Variants in B3GALT6 observed in about 807,000 individuals in gnomAD.
B3GALT6 encodes the protein GAG GalTII.
B3GALT6 carries 27 observed loss-of-function variants against 23.3 expected under a neutral mutation model. That is an observed-to-expected ratio of 1.16 (90% confidence interval 0.85 to 1.60). B3GALT6 has a LOEUF of 1.60. Among genes scored for constraint, B3GALT6 ranks in the 40% most tolerant of loss-of-function variants. The probability of loss-of-function intolerance (pLI) is 0.00; values close to 1 mark genes in which losing one functional copy is unlikely to be tolerated. For missense variants in B3GALT6, 554 were observed against 471.1 expected, an observed-to-expected ratio of 1.18 and a Z score of -1.63; for synonymous variants, 313 against 232.3, an observed-to-expected ratio of 1.35 and a Z score of -3.16.
chr1:1,234,150 G>A lies in B3GALT6; in HGVS notation c.*882G>A, dbSNP rs1463490877. Reference sequence around the variant, plus strand: ...ACTGCGGTCCTTGCCAAAGTAAAATGAAGCTGCCCCAGGACAAGGGGTTAC... The same window carrying A: ...ACTGCGGTCCTTGCCAAAGTAAAATAAAGCTGCCCCAGGACAAGGGGTTAC... On this transcript the variant is annotated 3_prime_UTR_variant, in exon 1 of 1. Coordinates refer to ENST00000379198, the MANE Select transcript of B3GALT6 (RefSeq NM_080605.4). 1.2e-5 allele frequency: 2 copies of A among 166,876 alleles called. No homozygotes were observed. The allele number at this position is 166,876 out of a possible 1,614,324, so 10.3% of individuals were successfully genotyped here.
Position 1,232,479 on chromosome 1 carries a change from C to T in B3GALT6, c.201C>T (p.Pro67=). 2.0e-6 allele frequency: 2 copies of T among 1,024,280 alleles called. No individual in the cohort carries two copies. The highest frequency in any genetic ancestry group is 4.4e-5 in the South Asian group (1 of 22,506). The allele number at this position is 1,024,280 out of a possible 1,614,324, so 63.4% of individuals were successfully genotyped here. A position where few individuals can be genotyped will look rare whatever the true frequency, so the allele number is the denominator to read the frequency against. The part of the protein sequence containing the change: ...AFLAVLVASA[P]RAAERRSVIR... ...TGGCAGTGCTGGTGGCCAGCGCGCC[C>T]CGCGCCGCCGAGCGCCGCAGCGTGA... The change falls in exon 1 of 1, where the codon CCC becomes CCT. Residue 67 remains proline, a synonymous_variant. Transcript: ENST00000379198.
At position 1,232,653 on chromosome 1, in the gene B3GALT6, GCGCGA is replaced by G; in HGVS notation, c.379_383del (p.Asp127LeufsTer314). ...GGGACCTGCTGCTGCTGCCCGCGCT[GCGCGA>G]CGCCTACGAAAACCTCACGGCCAAG... On this transcript the variant is annotated frameshift_variant, in exon 1 of 1. Transcript: ENST00000379198. LOFTEE classifies it high-confidence loss of function. 1 of 1,314,874 alleles carries G rather than the reference GCGCGA, an allele frequency of 7.6e-7. No individual in the cohort carries two copies. The allele number at this position is 1,314,874 out of a possible 1,614,324, so 81.5% of individuals were successfully genotyped here. A position where few individuals can be genotyped will look rare whatever the true frequency, so the allele number is the denominator to read the frequency against.
Position 1,233,225 on chromosome 1 carries a change from C to T in B3GALT6, c.947C>T (p.Ala316Val). The T allele has an allele frequency of 1.3e-6, 2 of 1,509,142 alleles. No homozygotes were observed. The highest frequency in any genetic ancestry group is 2.5e-5 in the South Asian group (2 of 81,230). 93.5% of individuals were successfully genotyped at this position (1,509,142 alleles called of 1,614,324 possible). The change falls in exon 1 of 1, where the codon GCG becomes GTG. Residue 316 changes from alanine to valine, a missense_variant. Coordinates refer to ENST00000379198, the MANE Select transcript of B3GALT6 (RefSeq NM_080605.4). ...LRLSYVYDWS[A>V]PPSQCCQRRE... ...CTGTCCTACGTGTACGACTGGTCCG[C>T]GCCGCCCTCGCAGTGCTGCCAGAGA...
In B3GALT6 at chr1:1,235,034, A is replaced by G. The variant is rs528644657; in HGVS notation, c.*1766A>G. On this transcript the variant is annotated 3_prime_UTR_variant, in exon 1 of 1. Transcript: ENST00000379198. ...AGCCTAAGACATTAAATTTCATATC[A>G]GAACAAAGCCTGCCCCAGGCTGACC... The G allele has an allele frequency of 1.2e-5, 2 of 166,728 alleles. No individual in the cohort carries two copies. Among genetic ancestry groups the G allele is most frequent in the African/African-American group, 4.8e-5 (2 of 41,584 alleles). The allele number at this position is 166,728 out of a possible 1,614,324, so 10.3% of individuals were successfully genotyped here. A position where few individuals can be genotyped will look rare whatever the true frequency, so the allele number is the denominator to read the frequency against.
rs1557526065 is a variant in B3GALT6, at chr1:1,232,563, C to G, written c.285C>G (p.Ala95=). The part of the protein sequence containing the change: ...GAPGDVWARF[A]VGTAGLGAEE... The stretch of plus-strand genomic sequence containing the variant: ...CGGGCGACGTGTGGGCGCGCTTTGC[C>G]GTGGGCACGGCCGGCCTGGGCGCCG... Residue 95 remains alanine (A), a synonymous_variant, in exon 1 of 1, where the codon GCC becomes GCG. Transcript: ENST00000379198. 14 of 1,179,732 alleles carry G rather than the reference C, an allele frequency of 1.2e-5. No homozygotes were observed. Among genetic ancestry groups the G allele is most frequent in the Non-Finnish European group, 1.5e-5 (14 of 954,946 alleles). The allele number at this position is 1,179,732 out of a possible 1,614,324, so 73.1% of individuals were successfully genotyped here.
Position 1,232,463 on chromosome 1 carries a change from T to C in B3GALT6, c.185T>C (p.Leu62Pro). The C allele has an allele frequency of 2.0e-6, 2 of 1,005,910 alleles. No homozygotes were observed. Among genetic ancestry groups the C allele is most frequent in the Non-Finnish European group, 2.4e-6 (2 of 846,108 alleles). 62.3% of individuals were successfully genotyped at this position (1,005,910 alleles called of 1,614,324 possible). Residue 62 changes from leucine to proline, a missense_variant, in exon 1 of 1, where the codon CTG becomes CCG. By Grantham distance (98) the Leu-to-Pro change is moderately conservative (BLOSUM62 -3). Transcript: ENST00000379198. The stretch of plus-strand genomic sequence containing the variant: ...CGCGCCGCCGCCTTCCTGGCAGTGC[T>C]GGTGGCCAGCGCGCCCCGCGCCGCC... ...PARAAAFLAV[L>P]VASAPRAAER...
rs900539403 is a variant in B3GALT6 at position 1,232,313 on chromosome 1, C to T, written c.35C>T (p.Ala12Val). 4 of 982,858 alleles carry T rather than the reference C, an allele frequency of 4.1e-6. No homozygotes were observed. The highest frequency in any genetic ancestry group is 1.8e-5 in the African/African-American group (1 of 56,644). The allele number at this position is 982,858 out of a possible 1,614,324, so 60.9% of individuals were successfully genotyped here. ...KLLRRAWRRRAALGLGTLALC... is the reference protein window; with the variant it reads ...KLLRRAWRRRVALGLGTLALC... The stretch of plus-strand genomic sequence containing the variant: ...CTGCGGCGGGCGTGGCGGCGGCGGG[C>T]GGCGCTAGGCCTGGGCACGCTGGCG... Residue 12 changes from alanine to valine, a missense_variant, in exon 1 of 1, where the codon GCG becomes GTG. Coordinates refer to ENST00000379198, the MANE Select transcript of B3GALT6 (RefSeq NM_080605.4).
chr1:1,232,426 C>T lies in B3GALT6; in HGVS notation c.148C>T (p.Pro50Ser). The T allele has an allele frequency of 1.0e-6, 1 of 992,128 alleles. No homozygotes were observed. Among genetic ancestry groups the T allele is most frequent in the Non-Finnish European group, 1.2e-6 (1 of 836,110 alleles). The allele number at this position is 992,128 out of a possible 1,614,324, so 61.5% of individuals were successfully genotyped here. ...GATGTCGGGCCGCAGCCCGCCTCCC[C>T]CCGCGCCCGCGCGCGCCGCCGCCTT... is the stretch of plus-strand genomic sequence containing the variant. ...RAMSGRSPPP[P>S]APARAAAFLA... Residue 50 changes from proline (P) to serine (S), a missense_variant, in exon 1 of 1, where the codon CCC becomes TCC. Transcript: ENST00000379198.
At position 1,234,209 on chromosome 1, in the gene B3GALT6, C is replaced by G. The variant is rs1017925831; in HGVS notation, c.*941C>G. ...CCCTGGAGTCCGACGCGGGTTTTCT[C>G]TCTGGGGGACCTGGGTGGTCCCCGC... is the stretch of plus-strand genomic sequence containing the variant. On this transcript the variant is annotated 3_prime_UTR_variant, in exon 1 of 1. Transcript: ENST00000379198. 26 of 166,888 alleles carry G rather than the reference C, an allele frequency of 1.6e-4. No individual in the cohort carries two copies. Among genetic ancestry groups the G allele is most frequent in the African/African-American group, 6.0e-4 (25 of 41,454 alleles). 10.3% of individuals were successfully genotyped at this position (166,888 alleles called of 1,614,324 possible).
rs1375562480 is a variant in B3GALT6, at chr1:1,232,959, C to T, written c.681C>T (p.Tyr227=). The T allele has an allele frequency of 3.8e-6, 6 of 1,564,952 alleles. No homozygotes were observed. The highest frequency in any genetic ancestry group is 5.2e-6 in the Non-Finnish European group (6 of 1,163,512). ...TGCTCTCGGCCGACCTGGTGCACTA[C>T]CTGCGCCTCAGCCGCGACTACCTGC... The part of the protein sequence containing the change: ...GYVLSADLVH[Y]LRLSRDYLRA... The change falls in exon 1 of 1, where the codon TAC becomes TAT. Residue 227 remains tyrosine (Y), a synonymous_variant. Coordinates refer to ENST00000379198, the MANE Select transcript of B3GALT6 (RefSeq NM_080605.4).
At position 1,232,915 on chromosome 1, in the gene B3GALT6, G is replaced by C; in HGVS notation, c.637G>C (p.Ala213Pro). ...WQLCDYYLPYALGGGYVLSAD... is the reference protein window; with the variant it reads ...WQLCDYYLPYPLGGGYVLSAD... The stretch of plus-strand genomic sequence containing the variant: ...ACTCTGCGACTACTACCTGCCCTAC[G>C]CGCTGGGCGGCGGCTACGTGCTCTC... Residue 213 changes from alanine (A) to proline (P), a missense_variant, in exon 1 of 1, where the codon GCG becomes CCG. Ala to Pro is a conservative substitution (Grantham distance 27). Transcript: ENST00000379198. 1 of 1,566,224 alleles carries C rather than the reference G, an allele frequency of 6.4e-7. No homozygotes were observed. The highest frequency in any genetic ancestry group is 8.6e-7 in the Non-Finnish European group (1 of 1,165,524).
In B3GALT6 at chr1:1,232,454, T is replaced by C; in HGVS notation, c.176T>C (p.Leu59Pro). The change falls in exon 1 of 1, where the codon CTG becomes CCG. Residue 59 changes from leucine to proline, a missense_variant. Physicochemically the swap from Leu to Pro is moderately conservative, Grantham distance 98. Coordinates refer to ENST00000379198, the MANE Select transcript of B3GALT6 (RefSeq NM_080605.4). ...GCGCCCGCGCGCGCCGCCGCCTTCC[T>C]GGCAGTGCTGGTGGCCAGCGCGCCC... ...PPAPARAAAF[L>P]AVLVASAPRA... The C allele has an allele frequency of 1.0e-6, 1 of 1,001,296 alleles. No individual in the cohort carries two copies. The highest frequency in any genetic ancestry group is 1.2e-6 in the Non-Finnish European group (1 of 843,104). 62.0% of individuals were successfully genotyped at this position (1,001,296 alleles called of 1,614,324 possible).
Position 1,234,106 on chromosome 1 carries a change from T to G in B3GALT6, c.*838T>G, listed in dbSNP as rs1305325261. On this transcript the variant is annotated 3_prime_UTR_variant, in exon 1 of 1. Coordinates refer to ENST00000379198, the MANE Select transcript of B3GALT6 (RefSeq NM_080605.4). ...TTAACACATCCTTGAAAGCCCCTCG[T>G]TTAATGAGAAAAGCGAACACTGCGG... The G allele has an allele frequency of 6.0e-6, 1 of 166,842 alleles. No individual in the cohort carries two copies. Among genetic ancestry groups the G allele is most frequent in the Non-Finnish European group, 1.5e-5 (1 of 68,118 alleles). The allele number at this position is 166,842 out of a possible 1,614,324, so 10.3% of individuals were successfully genotyped here. A position where few individuals can be genotyped will look rare whatever the true frequency, so the allele number is the denominator to read the frequency against.
In B3GALT6 at chr1:1,233,347, C is replaced by T. The variant is rs983254582; in HGVS notation, c.*79C>T. 1.5e-5 allele frequency: 20 copies of T among 1,371,130 alleles called. No homozygotes were observed. The highest frequency in any genetic ancestry group is 1.9e-5 in the Non-Finnish European group (20 of 1,066,790). The allele number at this position is 1,371,130 out of a possible 1,614,324, so 84.9% of individuals were successfully genotyped here. ...GCAGGTGCCGAGCGGGCGCACTACG[C>T]CCGGGCCCCAAGGCCCCCGTCCCGC... On this transcript the variant is annotated 3_prime_UTR_variant, in exon 1 of 1. Coordinates refer to ENST00000379198, the MANE Select transcript of B3GALT6 (RefSeq NM_080605.4).
chr1:1,233,322 G>T lies in B3GALT6; in HGVS notation c.*54G>T. The T allele has an allele frequency of 7.2e-7, 1 of 1,397,152 alleles. No individual in the cohort carries two copies. The highest frequency in any genetic ancestry group is 9.2e-7 in the Non-Finnish European group (1 of 1,083,324). 86.5% of individuals were successfully genotyped at this position (1,397,152 alleles called of 1,614,324 possible). On this transcript the variant is annotated 3_prime_UTR_variant, in exon 1 of 1. Transcript: ENST00000379198. ...CTGCTTCACCCGGCGGCGCCTTGGGGCAGGTGCCGAGCGGGCGCACTACGC... is the reference window on the plus strand; with the variant it reads ...CTGCTTCACCCGGCGGCGCCTTGGGTCAGGTGCCGAGCGGGCGCACTACGC...
In B3GALT6 at chr1:1,232,839, G is replaced by C. The variant is rs1015976297; in HGVS notation, c.561G>C (p.Ser187=). 4 of 1,465,658 alleles carry C rather than the reference G, an allele frequency of 2.7e-6. No homozygotes were observed. The highest frequency in any genetic ancestry group is 2.3e-4 in the Middle Eastern group (1 of 4,294). The allele number at this position is 1,465,658 out of a possible 1,614,324, so 90.8% of individuals were successfully genotyped here. ...GCCGCCTCTACTGGGGCTTCTTCTC[G>C]GGCCGCGGCCGCGTCAAGCCGGGGG... ...RRRRLYWGFF[S]GRGRVKPGGR... is the part of the protein sequence containing the mutation. Residue 187 remains serine, a synonymous_variant, in exon 1 of 1, where the codon TCG becomes TCC. Coordinates refer to ENST00000379198, the MANE Select transcript of B3GALT6 (RefSeq NM_080605.4).
Position 1,233,225 on chromosome 1 carries a change from C to A in B3GALT6, c.947C>A (p.Ala316Glu). Residue 316 changes from alanine (A) to glutamate (E), a missense_variant, in exon 1 of 1, where the codon GCG becomes GAG. Transcript: ENST00000379198. ...CTGTCCTACGTGTACGACTGGTCCG[C>A]GCCGCCCTCGCAGTGCTGCCAGAGA... The part of the protein sequence containing the change: ...LRLSYVYDWS[A>E]PPSQCCQRRE... 1 of 1,509,142 alleles carries A rather than the reference C, an allele frequency of 6.6e-7. No individual in the cohort carries two copies. The highest frequency in any genetic ancestry group is 2.5e-5 in the East Asian group (1 of 39,474). 93.5% of individuals were successfully genotyped at this position (1,509,142 alleles called of 1,614,324 possible).
chr1:1,232,316 C>G lies in B3GALT6; in HGVS notation c.38C>G (p.Ala13Gly). 4.1e-6 allele frequency: 4 copies of G among 980,436 alleles called. No homozygotes were observed. Among genetic ancestry groups the G allele is most frequent in the Non-Finnish European group, 3.6e-6 (3 of 829,764 alleles). 60.7% of individuals were successfully genotyped at this position (980,436 alleles called of 1,614,324 possible). A position where few individuals can be genotyped will look rare whatever the true frequency, so the allele number is the denominator to read the frequency against. The change falls in exon 1 of 1, where the codon GCG becomes GGG. Residue 13 changes from alanine to glycine, a missense_variant. Transcript: ENST00000379198. ...LLRRAWRRRA[A>G]LGLGTLALCG... ...CGGCGGGCGTGGCGGCGGCGGGCGG[C>G]GCTAGGCCTGGGCACGCTGGCGCTG... is the stretch of plus-strand genomic sequence containing the variant.
Position 1,232,923 on chromosome 1 carries a change from C to A in B3GALT6, c.645C>A (p.Gly215=). 2 of 1,565,092 alleles carry A rather than the reference C, an allele frequency of 1.3e-6. No homozygotes were observed. The highest frequency in any genetic ancestry group is 1.7e-6 in the Non-Finnish European group (2 of 1,164,520). Residue 215 remains glycine (G), a synonymous_variant, in exon 1 of 1, where the codon GGC becomes GGA. Coordinates refer to ENST00000379198, the MANE Select transcript of B3GALT6 (RefSeq NM_080605.4). ...LCDYYLPYAL[G]GGYVLSADLV... ...ACTACTACCTGCCCTACGCGCTGGG[C>A]GGCGGCTACGTGCTCTCGGCCGACC...
Sources: gnomAD v4.1 joint callset for allele counts on GRCh38, gnomAD v4.1.1 for gene constraint, MANE v1.5 for transcripts, NCBI Gene and HGNC (gene_info 2026-07-23, HGNC 2026-07-21) for gene names.